The following BABAM2 variants were observed in gnomAD, a reference collection of about 807,000 sequenced individuals.
BABAM2 encodes the protein BRISC and BRCA1 A complex member 2, also known as BRISC and BRCA1-A complex member 2.
In BABAM2, 31 loss-of-function variants were observed where a neutral mutation model predicts 54.7. The observed-to-expected ratio is 0.57, with a 90% CI of 0.43 to 0.77. The LOEUF is 0.77. Ranked by LOEUF, BABAM2 falls within the 30% of genes least tolerant of loss-of-function variation. BABAM2 has a pLI of 0.00. For missense variants in BABAM2, 364 were observed against 455.8 expected, an observed-to-expected ratio of 0.80 and a Z score of 1.83; for synonymous variants, 167 against 162.9, an observed-to-expected ratio of 1.03 and a Z score of -0.19.
intron 7 of BABAM2, among the ~76,000 whole-genome samples, chr2:28,200,191 G>A (rs987519034): frequency 2.0e-5 from 3 of 152,162 alleles, no homozygotes; most frequent in African/African-American, 7.2e-5. Context: ...AGCCAGGACA[G>A]GACATTGTAT....
chr2:28,165,102 AAAAC>A (rs1673504715), intron 7 of BABAM2, among the ~76,000 whole-genome samples: 1 of 152,232 alleles, frequency 6.6e-6, no homozygotes, highest in African/African-American at 2.4e-5. Flanking sequence ...GTGATAAGCA[AAAAC>A]AGACATCGTC....
chr2:27,934,764 G>T (rs1033630725), intron 3 of BABAM2, among the ~76,000 whole-genome samples: 3 of 152,226 alleles, frequency 2.0e-5, no homozygotes, highest in African/African-American at 7.2e-5. Context: ...TTGAATGAAA[G>T]ATCAAACCAG....
chr2:28,236,395 A>G (rs773816944), intron 7 of BABAM2, among the ~76,000 whole-genome samples: 1 of 142,272 alleles, frequency 7.0e-6, no homozygotes, highest in Non-Finnish European at 1.5e-5. Context: ...ACCGAGTCTC[A>G]CTGTATCGCC....
intron 6 of BABAM2, among the ~76,000 whole-genome samples, chr2:28,089,025 G>A (rs773487323): frequency 6.6e-6 from 1 of 151,772 alleles, no homozygotes. Flanking sequence ...TATTGTAAAA[G>A]TAGTGCATTT....
chr2:28,142,415 C>T (rs1254347734), intron 7 of BABAM2, among the ~76,000 whole-genome samples: 1 of 152,168 alleles, frequency 6.6e-6, no homozygotes, highest in Non-Finnish European at 1.5e-5. Flanking sequence ...CTGAAATCTA[C>T]CTTGGCAAAT....
At chr2:28,049,363 G>A (rs1420238793) in intron 6 of BABAM2, among the ~76,000 whole-genome samples, 1 of 152,030 alleles carries the variant, frequency 6.6e-6, no homozygotes, top group African/African-American at 2.4e-5. Flanking sequence ...TTTTTTGTTG[G>A]GTAAGAAAAG....
rs184361217 is a variant in BABAM2 at position 27,936,498 on chromosome 2, C to T, written c.205+6590C>T. Among the ~76,000 whole-genome samples the T allele has an allele frequency of 7.9e-5, 12 of 152,246 alleles. No individual in the cohort carries two copies. In the East Asian group the frequency reaches 1.4e-3, roughly 17 times the overall value. On this transcript the variant is annotated intron_variant, in intron 3 of 11. Coordinates refer to ENST00000379624, the MANE Select transcript of BABAM2 (RefSeq NM_199191.3). ...ATGCTGCTATAAAGACACATGCACA[C>T]GTATGTTTATTGCGGCACTATTCAC...
At chr2:28,154,079 C>G (rs1672315616) in intron 7 of BABAM2, among the ~76,000 whole-genome samples, 1 of 152,176 alleles carries the variant, frequency 6.6e-6, no homozygotes. Flanking sequence ...AATAGACTGA[C>G]ATGTGATGCT....
At chr2:27,969,721 A>G (rs1224380692) in intron 3 of BABAM2, among the ~76,000 whole-genome samples, 1 of 152,150 alleles carries the variant, frequency 6.6e-6, no homozygotes, top group African/African-American at 2.4e-5. Context: ...TGCAAGGAGC[A>G]TTTGGTAAAT....
intron 6 of BABAM2, among the ~76,000 whole-genome samples, chr2:28,073,831 TG>T (rs1327401259): frequency 1.3e-5 from 2 of 151,820 alleles, no homozygotes; most frequent in African/African-American, 4.8e-5. Flanking sequence ...TTTTGGGGAG[TG>T]GGGGAGGTAC....
chr2:28,233,284 G>A (rs1200959479), intron 7 of BABAM2: 1 of 470,962 alleles, frequency 2.1e-6, no homozygotes, highest in Non-Finnish European at 4.4e-6. Context: ...GGTTAGTCAG[G>A]CCCTGCCTTC....
chr2:28,112,147 T>TTCTTTCTTTCTTTCCTTCCCTCCC lies in BABAM2; in HGVS notation c.571-17123_571-17122insCTTTCTTTCTTTCCTTCCCTCCCT, dbSNP rs1558346715. ...TTTCTTTCTTTCTTTCTTTCTTTCT[T>TTCTTTCTTTCTTTCCTTCCCTCCC]TACCTCCCTCCCTCCCTCCCTCCCT... On this transcript the variant is annotated intron_variant, in intron 6 of 11. Transcript: ENST00000379624. 1.3e-3 allele frequency among the ~76,000 whole-genome samples: 7 copies of TTCTTTCTTTCTTTCCTTCCCTCCC among 5,240 alleles called. 1 individual carries two copies. The highest frequency in any genetic ancestry group is 2.4e-3 in the Admixed American group (1 of 412). The allele number at this position is 5,240 out of a possible 152,430, so 3.4% of individuals were successfully genotyped here.
intron 6 of BABAM2, among the ~76,000 whole-genome samples, chr2:28,120,313 T>G (rs757586550): frequency 3.3e-5 from 5 of 152,208 alleles, no homozygotes; most frequent in Non-Finnish European, 4.4e-5. Flanking sequence ...CATACAGTAT[T>G]TAGAAACTAA....
chr2:28,293,475 G>A (rs774984458), intron 10 of BABAM2, among the ~76,000 whole-genome samples: 1 of 152,138 alleles, frequency 6.6e-6, no homozygotes, highest in Non-Finnish European at 1.5e-5. Flanking sequence ...CAGTGCATTC[G>A]GCTTTCCCCC....
chr2:28,277,515 A>G (rs1029585301), intron 10 of BABAM2, among the ~76,000 whole-genome samples: 3 of 152,328 alleles, frequency 2.0e-5, no homozygotes, highest in East Asian at 1.9e-4. Context: ...TGCCAAAGAA[A>G]CATGGACATG....
intron 10 of BABAM2, among the ~76,000 whole-genome samples, chr2:28,293,474 C>T (rs758455040): frequency 6.6e-6 from 1 of 152,186 alleles, no homozygotes; most frequent in Admixed American, 6.5e-5. Flanking sequence ...TCAGTGCATT[C>T]GGCTTTCCCC....
At chr2:27,969,894 T>C (rs1353146633) in intron 3 of BABAM2, among the ~76,000 whole-genome samples, 1 of 152,088 alleles carries the variant, frequency 6.6e-6, no homozygotes, top group Non-Finnish European at 1.5e-5. Context: ...GTCCCATGGC[T>C]TAGAAACTCT....
chr2:28,105,515 G>GT (rs1020504975), intron 6 of BABAM2, among the ~76,000 whole-genome samples: 23 of 152,156 alleles, frequency 1.5e-4, no homozygotes, highest in Non-Finnish European at 2.5e-4. Context: ...AAAAACTTAA[G>GT]TTTTTTTTCT....
chr2:27,951,520 T>G (rs947795763), intron 3 of BABAM2, among the ~76,000 whole-genome samples: 1 of 152,180 alleles, frequency 6.6e-6, no homozygotes, highest in Non-Finnish European at 1.5e-5. Flanking sequence ...TATTGAGATT[T>G]GTTTTATGGC....
Sources: allele counts gnomAD v4.1 joint callset (sites outside exome capture counted in the v4.1 genomes callset), GRCh38; gene constraint gnomAD v4.1.1; transcripts MANE v1.5; gene names NCBI Gene and HGNC (gene_info 2026-07-23, HGNC 2026-07-21).